CAP2: variants seen among roughly 807,000 people sequenced by gnomAD.
CAP2 encodes the protein cyclase associated actin cytoskeleton regulatory protein 2.
In CAP2, 24 loss-of-function variants were observed where a neutral mutation model predicts 57.7. The ratio of observed to expected loss-of-function variants is 0.42; its 90% CI spans 0.30 to 0.58. The LOEUF is 0.58. Among genes scored for constraint, CAP2 ranks in the 20% least tolerant of loss-of-function variants. The pLI, the probability that CAP2 is intolerant of heterozygous loss-of-function variation, is 0.22. For synonymous variants in CAP2, 194 were observed against 207.2 expected (o/e 0.94, Z 0.55); for missense variants, 501 against 590.3 (o/e 0.85, Z 1.57).
At chr6:17,492,294 CA>C (rs138510085) in intron 4 of CAP2, among the ~76,000 whole-genome samples, 1 of 151,408 alleles carries the variant, frequency 6.6e-6, no homozygotes, top group African/African-American at 2.4e-5. Flanking sequence ...TTGGGGTCAC[CA>C]AAAAAAATCA....
Position 17,426,688 on chromosome 6 carries a change from C to T in CAP2, c.220C>T (p.His74Tyr). 6.2e-7 allele frequency: 1 copy of T among 1,606,234 alleles called. No individual in the cohort carries two copies. Among genetic ancestry groups the T allele is most frequent in the South Asian group, 1.1e-5 (1 of 90,928 alleles). The change falls in exon 3 of 13, where the codon CAT becomes TAT. Residue 74 changes from histidine (H) to tyrosine (Y), a missense_variant and splice_region_variant. Physicochemically the swap from His to Tyr is moderately conservative, Grantham distance 83. Coordinates refer to ENST00000229922, the MANE Select transcript of CAP2 (RefSeq NM_006366.3). ...GATCCTTGCTGGGGACGTGGAGACC[C>T]ATGTAAGTACTTTCCTCCCCTGTTC... ...SRILAGDVET[H>Y]AEMVHSAFQA...
At chr6:17,406,004 G>C (rs1758955421) in intron 1 of CAP2, among the ~76,000 whole-genome samples, 1 of 152,118 alleles carries the variant, frequency 6.6e-6, no homozygotes, top group South Asian at 2.1e-4. Context: ...GCCTCTGAAA[G>C]TGCTGGGATT....
rs772625299 is a variant in CAP2, at chr6:17,542,889, A to T, written c.1055A>T (p.Gln352Leu). 1.2e-6 allele frequency: 2 copies of T among 1,612,852 alleles called. No homozygotes were observed. Among genetic ancestry groups the T allele is most frequent in the Admixed American group, 1.7e-5 (1 of 60,028 alleles). Residue 352 changes from glutamine (Q) to leucine (L), a missense_variant, in exon 10 of 13, where the codon CAA (glutamine) becomes CTA (leucine). Coordinates refer to ENST00000229922, the MANE Select transcript of CAP2 (RefSeq NM_006366.3). ...GTGATTTCAGAGACTGAGCTGAAACAAGTGGCTTACATTTTCAAATGCGAA... is the reference window on the plus strand; with the variant it reads ...GTGATTTCAGAGACTGAGCTGAAACTAGTGGCTTACATTTTCAAATGCGAA... ...DLVISETELK[Q>L]VAYIFKCEKS...
In CAP2 at chr6:17,416,070, A is replaced by G. The variant is rs573185225; in HGVS notation, c.-1-5485A>G. ...TTGTAAAAATGTTCAGAGGGAAAAT[A>G]TGTGTAAATATGTTCAGAGGGAAAA... is the stretch of plus-strand genomic sequence containing the variant. On this transcript the variant is annotated intron_variant, in intron 1 of 12. Coordinates refer to ENST00000229922, the MANE Select transcript of CAP2 (RefSeq NM_006366.3). Among the ~76,000 whole-genome samples, 15 of 151,716 alleles carry G rather than the reference A, an allele frequency of 9.9e-5. No individual in the cohort carries two copies. The South Asian group carries it at 3.1e-3, about 32-fold the overall frequency.
chr6:17,485,435 C>A (rs2113627974), intron 4 of CAP2, among the ~76,000 whole-genome samples: 1 of 152,290 alleles, frequency 6.6e-6, no homozygotes, highest in East Asian at 1.9e-4. Context: ...ACCCGGCTTT[C>A]CCCAGCTTGG....
rs190676263 is a variant in CAP2, at chr6:17,504,615, G to A, written c.301-2554G>A. 5.8e-4 allele frequency among the ~76,000 whole-genome samples: 88 copies of A among 152,112 alleles called. 1 individual carries two copies. The highest frequency in any genetic ancestry group is 1.9e-3 in the African/African-American group (77 of 41,486). On this transcript the variant is annotated intron_variant, in intron 4 of 12. Transcript: ENST00000229922. Reference sequence around the variant, plus strand: ...ATAGTCAATTAACCTCTCTGAGCTCGTATTCCATATGTAAAATAGGAGAAT... The same window carrying A: ...ATAGTCAATTAACCTCTCTGAGCTCATATTCCATATGTAAAATAGGAGAAT...
At chr6:17,556,010 G>A (rs1431007201) in intron 12 of CAP2, among the ~76,000 whole-genome samples, 1 of 152,192 alleles carries the variant, frequency 6.6e-6, no homozygotes, top group Non-Finnish European at 1.5e-5. Flanking sequence ...CTTACTCTCA[G>A]GCCTCTGTTT....
intron 4 of CAP2, among the ~76,000 whole-genome samples, chr6:17,474,093 CA>C (rs1455600615): frequency 1.3e-5 from 2 of 151,118 alleles, no homozygotes; most frequent in Non-Finnish European, 2.9e-5. Context: ...TACCATTTTC[CA>C]TTTTTTAGCC....
intron 3 of CAP2, among the ~76,000 whole-genome samples, chr6:17,458,906 GAATT>G (rs1435001214): frequency 1.5e-5 from 2 of 136,412 alleles, no homozygotes; most frequent in African/African-American, 3.0e-5. Flanking sequence ...AAAAAAGAAA[GAATT>G]AAAGAAAAAC....
Position 17,400,674 on chromosome 6 carries a change from T to C in CAP2, c.-2+6928T>C, listed in dbSNP as rs532111280. The stretch of plus-strand genomic sequence containing the variant: ...GTCAGGAGATCAAGACCATCCTAGC[T>C]AACATGGTGAAACCCCGTCTGTACT... On this transcript the variant is annotated intron_variant, in intron 1 of 12. Transcript: ENST00000229922. 1.8e-4 allele frequency among the ~76,000 whole-genome samples: 27 copies of C among 151,984 alleles called. 1 individual carries two copies. The highest frequency in any genetic ancestry group is 2.5e-4 in the Non-Finnish European group (17 of 67,958).
chr6:17,554,676 G>A (rs1478948375), intron 12 of CAP2, among the ~76,000 whole-genome samples: 1 of 152,230 alleles, frequency 6.6e-6, no homozygotes, highest in East Asian at 1.9e-4. Flanking sequence ...ATGATCATGG[G>A]CATCAGCTTA....
chr6:17,532,980 A>C (rs1762682879), intron 7 of CAP2, among the ~76,000 whole-genome samples: 2 of 149,216 alleles, frequency 1.3e-5, no homozygotes, highest in South Asian at 4.2e-4. Flanking sequence ...CGGGAGAATC[A>C]CTTGAACCCG....
At chr6:17,411,749 A>G (rs1759146319) in intron 1 of CAP2, among the ~76,000 whole-genome samples, 1 of 152,064 alleles carries the variant, frequency 6.6e-6, no homozygotes, top group Non-Finnish European at 1.5e-5. Context: ...CCCAGTCTGT[A>G]GTGGCCTGGC....
intron 4 of CAP2, among the ~76,000 whole-genome samples, chr6:17,506,244 G>A (rs1033697648): frequency 1.6e-4 from 25 of 152,148 alleles, no homozygotes; most frequent in Non-Finnish European, 2.9e-4. Flanking sequence ...TGGAGAAGTC[G>A]GTTGCTGAAT....
At chr6:17,407,335 TG>T (rs1196659450) in intron 1 of CAP2, among the ~76,000 whole-genome samples, 1 of 152,120 alleles carries the variant, frequency 6.6e-6, no homozygotes, top group Non-Finnish European at 1.5e-5. Flanking sequence ...AAATTGAAGC[TG>T]GGTGTGGTGG....
chr6:17,544,041 C>T (rs1019247956), intron 11 of CAP2, among the ~76,000 whole-genome samples: 1 of 148,102 alleles, frequency 6.8e-6, no homozygotes, highest in African/African-American at 2.5e-5. Flanking sequence ...AGGAGAATCA[C>T]TTGAACCTGG....
intron 3 of CAP2, among the ~76,000 whole-genome samples, chr6:17,444,404 C>T (rs549346795): frequency 3.3e-5 from 5 of 151,998 alleles, no homozygotes; most frequent in African/African-American, 9.7e-5. Context: ...TTTGGGAGGC[C>T]GAGGCAGGCA....
At chr6:17,465,370 T>C (rs938348774) in intron 4 of CAP2, among the ~76,000 whole-genome samples, 2 of 152,138 alleles carry the variant, frequency 1.3e-5, no homozygotes, top group African/African-American at 4.8e-5. Context: ...GAATTCTTGA[T>C]AAAGGGGAGG....
At chr6:17,556,226 C>A in intron 12 of CAP2, 133 bp from the exon 13 acceptor site, 1 of 654,032 alleles carries the variant, frequency 1.5e-6, no homozygotes, top group Non-Finnish European at 2.7e-6. Flanking sequence ...CATGACGCAG[C>A]TTGCAATTCG....
Sources: allele counts gnomAD v4.1 joint callset (sites outside exome capture counted in the v4.1 genomes callset), GRCh38; gene constraint gnomAD v4.1.1; transcripts MANE v1.5; gene names NCBI Gene and HGNC (gene_info 2026-07-23, HGNC 2026-07-21).